Variants in CPB1 observed in about 807,000 individuals in gnomAD.
CPB1 encodes the protein carboxypeptidase B.
A neutral mutation model predicts 51.4 loss-of-function variants in CPB1; 53 were observed. That is an observed-to-expected ratio of 1.03 (90% CI 0.83 to 1.30). CPB1 has a LOEUF of 1.30. Among genes scored for constraint, CPB1 ranks in the 50% most tolerant of loss-of-function variants. The pLI is 0.00. For missense variants in CPB1, 494 were observed against 516.2 expected, an observed-to-expected ratio of 0.96 and a Z score of 0.42; for synonymous variants, 189 against 186.9, an observed-to-expected ratio of 1.01 and a Z score of -0.09.
intron 9 of CPB1, among the ~76,000 whole-genome samples, chr3:148,848,533 A>T (rs1001955164): frequency 5.3e-5 from 8 of 152,078 alleles, no homozygotes; most frequent in Admixed American, 5.2e-4. Context: ...ATAGCAAAAA[A>T]ATATATATGT....
At chr3:148,848,712 T>G (rs1282605780) in intron 9 of CPB1, among the ~76,000 whole-genome samples, 2 of 152,186 alleles carry the variant, frequency 1.3e-5, no homozygotes, top group Admixed American at 6.5e-5. Flanking sequence ...GCCTAATAAT[T>G]GCTCATATCA....
chr3:148,849,712 A>G (rs954132462), intron 9 of CPB1, among the ~76,000 whole-genome samples: 3 of 152,260 alleles, frequency 2.0e-5, no homozygotes, highest in African/African-American at 7.2e-5. Context: ...AATCCAGGGC[A>G]TGTGTCTTGC....
chr3:148,857,437 T>C lies in CPB1; in HGVS notation c.982-20T>C, dbSNP rs1196187530. On this transcript the variant is annotated intron_variant, in intron 9 of 10. Transcript: ENST00000282957. Reference sequence around the variant, plus strand: ...GTGTGCTTTTATTTATTTCCTTACTTATTCCTGTTTCTTTTGCAGAATGCC... The same window carrying C: ...GTGTGCTTTTATTTATTTCCTTACTCATTCCTGTTTCTTTTGCAGAATGCC... 1.3e-6 allele frequency: 2 copies of C among 1,599,806 alleles called. No individual in the cohort carries two copies. Among genetic ancestry groups the C allele is most frequent in the Non-Finnish European group, 1.7e-6 (2 of 1,167,374 alleles).
At chr3:148,845,249 C>T (rs943474209) in intron 8 of CPB1, among the ~76,000 whole-genome samples, 175 bp from the exon 9 acceptor site, 6 of 152,048 alleles carry the variant, frequency 3.9e-5, no homozygotes, top group African/African-American at 1.5e-4. Flanking sequence ...ACATACCATC[C>T]TAATCCTGTG....
Position 148,844,875 on chromosome 3 carries a change from A to T in CPB1, c.778+108A>T, listed in dbSNP as rs1265591728. On this transcript the variant is annotated intron_variant, in intron 8 of 10. Transcript: ENST00000282957. ...AAAAAAAGCAAGTTTTATATTTTAA[A>T]GTTCTAACCTTCTAAAAGCACCAAA... The T allele has an allele frequency of 6.7e-5, 66 of 982,876 alleles. 1 individual carries two copies. The Admixed American group carries it at 1.8e-3, about 27-fold the overall frequency. The allele number at this position is 982,876 out of a possible 1,614,324, so 60.9% of individuals were successfully genotyped here.
At chr3:148,831,959 T>C (rs1167504069) in intron 2 of CPB1, among the ~76,000 whole-genome samples, 1 of 152,142 alleles carries the variant, frequency 6.6e-6, no homozygotes, top group African/African-American at 2.4e-5. Context: ...TTTCCAGCCA[T>C]GTTTCTCCTA....
intron 2 of CPB1, 46 bp from the exon 3 acceptor site, chr3:148,834,452 C>T (rs1315468882): frequency 6.4e-7 from 1 of 1,560,572 alleles, no homozygotes; most frequent in South Asian, 1.1e-5. Context: ...GATTATCCTT[C>T]ATCCATTGAA....
intron 9 of CPB1, 72 bp downstream of exon 9, chr3:148,845,698 C>A: frequency 8.1e-7 from 1 of 1,239,292 alleles, no homozygotes; most frequent in South Asian, 1.4e-5. Context: ...AAAAAAAAAT[C>A]ATTATAAGAA....
rs1370546848 is a variant in CPB1 at position 148,860,103 on chromosome 3, C to A, written c.*101C>A. 2 of 1,158,098 alleles carry A rather than the reference C, an allele frequency of 1.7e-6. No individual in the cohort carries two copies. Among genetic ancestry groups the A allele is most frequent in the East Asian group, 2.4e-5 (1 of 42,264 alleles). 71.7% of individuals were successfully genotyped at this position (1,158,098 alleles called of 1,614,324 possible). A position where few individuals can be genotyped will look rare whatever the true frequency, so the allele number is the denominator to read the frequency against. On this transcript the variant is annotated 3_prime_UTR_variant, in exon 11 of 11. Transcript: ENST00000282957. ...GCCTGGATGTTTTGCAGATCCCAAT[C>A]TTTCTTTTAAGCTTCTGGGTCTATT...
intron 9 of CPB1, 26 bp downstream of exon 9, chr3:148,845,652 C>G (rs376118016): frequency 1.9e-5 from 29 of 1,534,782 alleles, no homozygotes; most frequent in Non-Finnish European, 2.4e-5. Flanking sequence ...GTAGGTATGA[C>G]ATTTTACTAT....
At chr3:148,831,354 C>T (rs1712730456) in intron 2 of CPB1, among the ~76,000 whole-genome samples, 1 of 152,022 alleles carries the variant, frequency 6.6e-6, no homozygotes, top group African/African-American at 2.4e-5. Flanking sequence ...GGAATTGGGC[C>T]TTGAGTAGAA....
chr3:148,843,426 G>A (rs1395111129), intron 6 of CPB1, among the ~76,000 whole-genome samples: 4 of 151,904 alleles, frequency 2.6e-5, no homozygotes, highest in African/African-American at 9.7e-5. Flanking sequence ...GTACATATTT[G>A]TTATGTAGTC....
rs199871648 is a variant in CPB1, at chr3:148,828,014, C to T, written c.84C>T (p.Phe28=). The change falls in exon 2 of 11, where the codon TTC becomes TTT. Residue 28 remains phenylalanine, a synonymous_variant. Coordinates refer to ENST00000282957, the MANE Select transcript of CPB1 (RefSeq NM_001871.3). The part of the protein sequence containing the change: ...GGEHFEGEKV[F]RVNVEDENHI... ...TCTCATTATTCAGCGAGAAGGTGTT[C>T]CGTGTTAACGTTGAAGATGAAAATC... 1.1e-4 allele frequency: 184 copies of T among 1,613,994 alleles called. 1 individual carries two copies. The highest frequency in any genetic ancestry group is 9.2e-4 in the Admixed American group (55 of 60,008).
intron 3 of CPB1, among the ~76,000 whole-genome samples, chr3:148,836,201 C>A (rs1403950023): frequency 6.6e-6 from 1 of 151,942 alleles, no homozygotes; most frequent in Admixed American, 6.6e-5. Flanking sequence ...TGTTTAACCC[C>A]ATTATCATGC....
At chr3:148,859,628 G>A (rs960013582) in intron 10 of CPB1, among the ~76,000 whole-genome samples, 187 bp from the exon 11 acceptor site, 10 of 152,156 alleles carry the variant, frequency 6.6e-5, no homozygotes, top group East Asian at 1.9e-4. Context: ...GTGGTGATAC[G>A]TTTAATAAGG....
At chr3:148,839,797 G>A (rs1713024071) in intron 3 of CPB1, among the ~76,000 whole-genome samples, 1 of 152,118 alleles carries the variant, frequency 6.6e-6, no homozygotes, top group African/African-American at 2.4e-5. Context: ...GTTTAACTGT[G>A]GATAATAGAA....
chr3:148,844,791 G>A (rs769759067), intron 8 of CPB1, 24 bp downstream of exon 8: 2 of 1,595,288 alleles, frequency 1.3e-6, no homozygotes, highest in Non-Finnish European at 8.6e-7. Context: ...TAGCCATTTT[G>A]CATGTATCCA....
intron 6 of CPB1, among the ~76,000 whole-genome samples, chr3:148,842,454 CTAA>C (rs532400404): frequency 6.6e-6 from 1 of 152,016 alleles, no homozygotes; most frequent in South Asian, 2.1e-4. Context: ...CCTTATCATT[CTAA>C]TAATAAGATG....
At chr3:148,835,723 A>T (rs999449012) in intron 3 of CPB1, among the ~76,000 whole-genome samples, 1 of 152,206 alleles carries the variant, frequency 6.6e-6, no homozygotes, top group Non-Finnish European at 1.5e-5. Flanking sequence ...TTATCCGGCA[A>T]TCCCCCATCA....
Sources: gnomAD v4.1 joint callset for allele counts (sites outside exome capture counted in the v4.1 genomes callset) on GRCh38, gnomAD v4.1.1 for gene constraint, MANE v1.5 for transcripts, NCBI Gene and HGNC (gene_info 2026-07-23, HGNC 2026-07-21) for gene names.